The following NUP160 variants were observed in gnomAD, a reference collection of about 807,000 sequenced individuals.
NUP160 encodes nuclear pore complex protein Nup160.
In NUP160, 94 loss-of-function variants were observed where a neutral mutation model predicts 196.9. The ratio of observed to expected loss-of-function variants is 0.48; its 90% CI spans 0.40 to 0.57. The LOEUF is 0.57. NUP160 is among the 20% of genes least tolerant of loss of function. The pLI, the probability that NUP160 is intolerant of heterozygous loss-of-function variation, is 0.00. For missense variants in NUP160, 1,638 were observed against 1,748.3 expected, an observed-to-expected ratio of 0.94 and a Z score of 1.13; for synonymous variants, 605 against 619.7, an observed-to-expected ratio of 0.98 and a Z score of 0.35.
At chr11:47,819,420 G>C (rs966518741) in exon 10 of NUP160, 1 of 1,613,802 alleles carries the variant, frequency 6.2e-7, no homozygotes. Context: ...CTCTGGCAGA[G>C]GCTGCATAAA....
At chr11:47,822,744 A>G (rs1019881055) in intron 7 of NUP160, among the ~76,000 whole-genome samples, 1 of 152,052 alleles carries the variant, frequency 6.6e-6, no homozygotes, top group African/African-American at 2.4e-5. Flanking sequence ...GACAGGTGCC[A>G]GTGTGTGACG....
intron 35 of NUP160, among the ~76,000 whole-genome samples, chr11:47,780,006 A>T (rs1599298552): frequency 6.6e-6 from 1 of 152,222 alleles, no homozygotes; most frequent in Non-Finnish European, 1.5e-5. Context: ...CTGGGATTAT[A>T]GGCGTGAGCC....
intron 27 of NUP160, among the ~76,000 whole-genome samples, chr11:47,794,794 C>T (rs192048481): frequency 6.6e-6 from 1 of 151,644 alleles, no homozygotes; most frequent in Non-Finnish European, 1.5e-5. Flanking sequence ...TGCCTGCAGT[C>T]CCAGCTACTC....
intron 29 of NUP160, among the ~76,000 whole-genome samples, chr11:47,790,434 T>G (rs1053120168): frequency 6.6e-6 from 1 of 152,034 alleles, no homozygotes; most frequent in African/African-American, 2.4e-5. Flanking sequence ...TGATTTTTTG[T>G]AGTTTTACTA....
chr11:47,812,412 T>A (rs1407816923), exon 16 of NUP160: 2 of 1,613,398 alleles, frequency 1.2e-6, no homozygotes, highest in Non-Finnish European at 1.7e-6. Context: ...ACTACAAATA[T>A]CCTCCATCAC....
At chr11:47,797,336 T>G (rs1456307498) in intron 27 of NUP160, among the ~76,000 whole-genome samples, 2 of 152,156 alleles carry the variant, frequency 1.3e-5, no homozygotes, top group Non-Finnish European at 2.9e-5. Flanking sequence ...CCCACCCTGT[T>G]CAAGCAATTC....
intron 17 of NUP160, among the ~76,000 whole-genome samples, chr11:47,811,067 A>C (rs980323305): frequency 3.9e-5 from 6 of 152,168 alleles, no homozygotes; most frequent in Non-Finnish European, 7.3e-5. Flanking sequence ...GACATTCAGT[A>C]GGGTGGGTGA....
chr11:47,839,858 G>C (rs765289195), exon 4 of NUP160: 19 of 1,613,114 alleles, frequency 1.2e-5, no homozygotes, highest in Non-Finnish European at 1.5e-5. Flanking sequence ...ATGTCATAAG[G>C]AGGTAGCTTA....
chr11:47,791,844 T>A, intron 29 of NUP160, 86 bp downstream of exon 29: 2 of 912,554 alleles, frequency 2.2e-6, no homozygotes, highest in Non-Finnish European at 3.5e-6. Flanking sequence ...GTAGCTTATT[T>A]AACTACATAT....
At position 47,815,422 on chromosome 11, in the gene NUP160, T is replaced by C. The variant is rs547423212; in HGVS notation, c.1686+57A>G. 23 of 1,377,146 alleles carry C rather than the reference T, an allele frequency of 1.7e-5. No homozygotes were observed. In the South Asian group the frequency reaches 3.8e-4, roughly 23 times the overall value. 85.3% of individuals were successfully genotyped at this position (1,377,146 alleles called of 1,614,324 possible). The stretch of plus-strand genomic sequence containing the variant: ...CTTTTTGTTTTCTGAAGGCATTTTG[T>C]TATAACAGCCACTGAACTGTCTCAA... On this transcript the variant is annotated intron_variant, in intron 13 of 35. Coordinates refer to ENST00000378460, the Ensembl canonical transcript of NUP160.
At chr11:47,788,240 A>G in exon 31 of NUP160, 2 of 1,613,832 alleles carry the variant, frequency 1.2e-6, no homozygotes, top group Non-Finnish European at 1.7e-6. Flanking sequence ...TGACAGAGTG[A>G]TATGGCAGTG....
Position 47,813,199 on chromosome 11 carries a change from GGT to G in NUP160, c.1786+115_1786+116del, listed in dbSNP as rs2097682156. ...CTTAAGTGTTCATTAAAATATTTGTGGTGTGGTAAAGTGACCAAGACAGGTGT... is the reference window on the plus strand; with the variant it reads ...CTTAAGTGTTCATTAAAATATTTGTGGTGGTAAAGTGACCAAGACAGGTGT... On this transcript the variant is annotated intron_variant, in intron 14 of 35. Coordinates refer to ENST00000378460, the Ensembl canonical transcript of NUP160. 3.0e-5 allele frequency: 29 copies of G among 979,132 alleles called. No individual in the cohort carries two copies. The South Asian group carries it at 4.5e-4, about 15-fold the overall frequency. The allele number at this position is 979,132 out of a possible 1,614,324, so 60.7% of individuals were successfully genotyped here. A position where few individuals can be genotyped will look rare whatever the true frequency, so the allele number is the denominator to read the frequency against.
At chr11:47,841,526 T>C in intron 2 of NUP160, 1 of 428,348 alleles carries the variant, frequency 2.3e-6, no homozygotes, top group South Asian at 2.2e-5. Context: ...CACCACATGG[T>C]CCAACATGTG....
intron 17 of NUP160, among the ~76,000 whole-genome samples, chr11:47,808,759 G>T (rs1243323233): frequency 6.6e-6 from 1 of 152,030 alleles, no homozygotes; most frequent in Non-Finnish European, 1.5e-5. Context: ...ATGATGAAAA[G>T]AAACCAACAA....
At chr11:47,812,024 G>A in intron 17 of NUP160, 40 bp downstream of exon 17, 1 of 1,603,450 alleles carries the variant, frequency 6.2e-7, no homozygotes. Context: ...GCCTATAACA[G>A]GTTTTAGATT....
In NUP160 at chr11:47,788,494, T is replaced by C. The variant is rs928380287; in HGVS notation, c.3622+7A>G. 4 of 1,610,778 alleles carry C rather than the reference T, an allele frequency of 2.5e-6. No homozygotes were observed. The highest frequency in any genetic ancestry group is 3.4e-6 in the Non-Finnish European group (4 of 1,177,096). On this transcript the variant is annotated splice_region_variant and intron_variant, in intron 30 of 35. Transcript: ENST00000378460. The stretch of plus-strand genomic sequence containing the variant: ...AAGTCAGAGGCTTTAAACTCTTGAA[T>C]TCCTACCAGCAACTGCAACCGCTGA...
chr11:47,793,578 C>T (rs2097669103), intron 27 of NUP160, among the ~76,000 whole-genome samples: 1 of 151,954 alleles, frequency 6.6e-6, no homozygotes, highest in African/African-American at 2.4e-5. Context: ...AGAGGGGTCT[C>T]AAAGAGATAT....
At chr11:47,778,416 G>A (rs948278082) in exon 36 of NUP160, 1 of 152,600 alleles carries the variant, frequency 6.6e-6, no homozygotes, top group Non-Finnish European at 1.5e-5. Context: ...AATCATAGAA[G>A]TTAACAATTT....
exon 31 of NUP160, chr11:47,788,267 G>C: frequency 1.2e-6 from 2 of 1,614,082 alleles, no homozygotes; most frequent in Non-Finnish European, 1.7e-6. Context: ...AGGCCCGCCT[G>C]AACCAAGAGA....
Sources: gnomAD v4.1 joint callset for allele counts (sites outside exome capture counted in the v4.1 genomes callset) on GRCh38, gnomAD v4.1.1 for gene constraint, MANE v1.5 for transcripts, NCBI Gene and HGNC (gene_info 2026-07-23, HGNC 2026-07-21) for gene names.